Variants in SLC26A4 observed in about 807,000 individuals in gnomAD.
The protein encoded by SLC26A4 is solute carrier family 26 member 4, also known as pendrin.
SLC26A4 carries 93 observed loss-of-function variants against 90.4 expected under a neutral mutation model. That is an observed-to-expected ratio of 1.03 (90% CI 0.87 to 1.22). SLC26A4 has a LOEUF of 1.22. Ranked by LOEUF, SLC26A4 falls within the 50% of genes most tolerant of loss-of-function variation. The probability of loss-of-function intolerance (pLI) is 0.00; values close to 1 mark genes in which losing one functional copy is unlikely to be tolerated. For synonymous variants in SLC26A4, 393 were observed against 354.6 expected, an observed-to-expected ratio of 1.11 and a Z score of -1.22; for missense variants, 1,127 against 946.2, an observed-to-expected ratio of 1.19 and a Z score of -2.51.
rs992096611 is a variant in SLC26A4, at chr7:107,716,670, A to G, written c.*1224A>G. ...GGCTTTGATCTTGGGGACTTTTCCCATATATTTCACACTGGAGTGAATGAA... is the reference window on the plus strand; with the variant it reads ...GGCTTTGATCTTGGGGACTTTTCCCGTATATTTCACACTGGAGTGAATGAA... On this transcript the variant is annotated 3_prime_UTR_variant, in exon 21 of 21. Transcript: ENST00000644269. The G allele has an allele frequency of 2.6e-5, 4 of 152,162 alleles. No homozygotes were observed. Among genetic ancestry groups the G allele is most frequent in the Non-Finnish European group, 5.9e-5 (4 of 68,040 alleles). The allele number at this position is 152,162 out of a possible 1,614,324, so 9.4% of individuals were successfully genotyped here. A position where few individuals can be genotyped will look rare whatever the true frequency, so the allele number is the denominator to read the frequency against.
intron 10 of SLC26A4, among the ~76,000 whole-genome samples, chr7:107,690,732 T>C (rs1211646817): frequency 2.0e-5 from 3 of 152,168 alleles, no homozygotes; most frequent in Non-Finnish European, 2.9e-5. Flanking sequence ...TGTTGTAACA[T>C]TTTTGGCATT....
At chr7:107,670,179 G>A (rs567952545) in intron 3 of SLC26A4, among the ~76,000 whole-genome samples, 73 of 148,936 alleles carry the variant, frequency 4.9e-4, no homozygotes, top group East Asian at 2.2e-3. Flanking sequence ...GCGCAATCTC[G>A]GCTCACTGAA....
At chr7:107,707,252 TA>T (rs1198044390) in intron 18 of SLC26A4, among the ~76,000 whole-genome samples, 5 of 152,184 alleles carry the variant, frequency 3.3e-5, no homozygotes, top group Non-Finnish European at 7.4e-5. Context: ...ATGTTTCAAA[TA>T]AAAAAGCCAT....
intron 8 of SLC26A4, among the ~76,000 whole-genome samples, chr7:107,686,416 T>TCTTTCTTC: frequency 1.5e-5 from 1 of 66,128 alleles, no homozygotes; most frequent in Non-Finnish European, 2.8e-5. Flanking sequence ...TTTCTTTCTT[T>TCTTTCTTC]CTTTCTTTCT....
At chr7:107,701,008 T>C in intron 15 of SLC26A4, 93 bp from the exon 16 acceptor site, 2 of 808,532 alleles carry the variant, frequency 2.5e-6, no homozygotes, top group Non-Finnish European at 4.4e-6. Context: ...CAAGGAATTA[T>C]ACCCTTTGAG....
chr7:107,677,361 C>G (rs1421602353), intron 6 of SLC26A4, among the ~76,000 whole-genome samples: 3 of 152,092 alleles, frequency 2.0e-5, no homozygotes, highest in Non-Finnish European at 2.9e-5. Context: ...TAGTAGCTAC[C>G]TCTTAGAGCA....
Position 107,704,316 on chromosome 7 carries a change from C to CT in SLC26A4, c.2035-9dup. 1.6e-6 allele frequency: 2 copies of CT among 1,233,042 alleles called. No homozygotes were observed. Among genetic ancestry groups the CT allele is most frequent in the Non-Finnish European group, 2.4e-6 (2 of 839,256 alleles). The allele number at this position is 1,233,042 out of a possible 1,614,324, so 76.4% of individuals were successfully genotyped here. The stretch of plus-strand genomic sequence containing the variant: ...AGGTTGTTAATTGTTACAAACTCTC[C>CT]TTTTTTATTTTTAGATTGTCAAAGA... On this transcript the variant is annotated splice_polypyrimidine_tract_variant and intron_variant, in intron 17 of 20. Coordinates refer to ENST00000644269, the MANE Select transcript of SLC26A4 (RefSeq NM_000441.2).
intron 18 of SLC26A4, 27 bp from the exon 19 acceptor site, chr7:107,710,027 A>T (rs761592773): frequency 1.2e-6 from 2 of 1,607,964 alleles, no homozygotes; most frequent in Non-Finnish European, 1.7e-6. Context: ...CTAGGAACTA[A>T]CAAAACATTG....
At chr7:107,707,437 C>A (rs1229895359) in intron 18 of SLC26A4, among the ~76,000 whole-genome samples, 1 of 152,128 alleles carries the variant, frequency 6.6e-6, no homozygotes, top group Non-Finnish European at 1.5e-5. Context: ...GAAGTCACAG[C>A]ACTTTAGAAT....
intron 14 of SLC26A4, 121 bp downstream of exon 14, chr7:107,698,232 C>T (rs142730080): frequency 7.2e-5 from 53 of 734,350 alleles, no homozygotes; most frequent in African/African-American, 6.3e-4. Flanking sequence ...TCTGTTAGTC[C>T]ACAGGGAGTG....
intron 2 of SLC26A4, among the ~76,000 whole-genome samples, chr7:107,662,686 T>G (rs1790593904): frequency 6.6e-6 from 1 of 152,198 alleles, no homozygotes; most frequent in African/African-American, 2.4e-5. Context: ...TATCAAAAAT[T>G]GAGTCATTAT....
intron 11 of SLC26A4, 32 bp downstream of exon 11, chr7:107,694,512 A>T: frequency 1.9e-6 from 3 of 1,574,216 alleles, no homozygotes; most frequent in Non-Finnish European, 2.6e-6. Context: ...TACCGATTGC[A>T]TAATTTCCCT....
At chr7:107,674,411 A>G in intron 5 of SLC26A4, 63 bp downstream of exon 5, 1 of 1,223,760 alleles carries the variant, frequency 8.2e-7, no homozygotes, top group Non-Finnish European at 1.2e-6. Flanking sequence ...ACTTTAAAGC[A>G]TATAGACTTA....
At chr7:107,714,594 T>C (rs1792289464) in intron 20 of SLC26A4, among the ~76,000 whole-genome samples, 1 of 152,166 alleles carries the variant, frequency 6.6e-6, no homozygotes, top group South Asian at 2.1e-4. Context: ...AACTTAAGAC[T>C]GCTATATTAT....
intron 18 of SLC26A4, among the ~76,000 whole-genome samples, chr7:107,709,209 C>A (rs1284190321): frequency 1.3e-5 from 2 of 152,160 alleles, no homozygotes; most frequent in Admixed American, 1.3e-4. Context: ...CTTTCTCCCC[C>A]AGTAATGAGT....
intron 20 of SLC26A4, among the ~76,000 whole-genome samples, chr7:107,715,112 G>C (rs983710800): frequency 1.3e-5 from 2 of 149,560 alleles, no homozygotes; most frequent in African/African-American, 4.9e-5. Context: ...GCAGGCACCT[G>C]TAATCCCAGC....
intron 8 of SLC26A4, among the ~76,000 whole-genome samples, chr7:107,686,336 A>ACCTTCC (rs1791406050): frequency 3.8e-5 from 2 of 52,494 alleles, no homozygotes; most frequent in Non-Finnish European, 3.7e-5. Flanking sequence ...TCCTACCTGC[A>ACCTTCC]CTCCCTTTCC....
rs114473792 is a variant in SLC26A4 at position 107,674,283 on chromosome 7, G to T, written c.535G>T (p.Ala179Ser). 1 of 1,613,902 alleles carries T rather than the reference G, an allele frequency of 6.2e-7. No individual in the cohort carries two copies. The highest frequency in any genetic ancestry group is 1.1e-5 in the South Asian group (1 of 91,076). Residue 179 changes from alanine (A) to serine (S), a missense_variant, in exon 5 of 21, where the codon GCA becomes TCA. Physicochemically the swap from Ala to Ser is moderately conservative, Grantham distance 99. Coordinates refer to ENST00000644269, the MANE Select transcript of SLC26A4 (RefSeq NM_000441.2). ...ATTAAATACTACTATGATAGACACT[G>T]CAGCTAGAGATACAGCTAGAGTCCT... ...TVLNTTMIDTAARDTARVLIA... is the reference protein window; with the variant it reads ...TVLNTTMIDTSARDTARVLIA...
chr7:107,703,349 G>T (rs927789018), intron 17 of SLC26A4, among the ~76,000 whole-genome samples: 5 of 152,140 alleles, frequency 3.3e-5, no homozygotes, highest in South Asian at 2.1e-4. Context: ...CTTAGCTAAG[G>T]CTTCTTTGCT....
Sources: allele counts gnomAD v4.1 joint callset (sites outside exome capture counted in the v4.1 genomes callset), GRCh38; gene constraint gnomAD v4.1.1; transcripts MANE v1.5; gene names NCBI Gene and HGNC (gene_info 2026-07-23, HGNC 2026-07-21).